The following NEK6 variants were observed in gnomAD, a reference collection of about 807,000 sequenced individuals.
NEK6 encodes the protein NIMA related kinase 6.
A neutral mutation model predicts 43.5 loss-of-function variants in NEK6; 27 were observed. That is an observed-to-expected ratio of 0.62 (90% CI 0.46 to 0.86). The LOEUF (loss-of-function observed/expected upper bound fraction) is 0.86. NEK6 is among the 40% of genes least tolerant of loss of function. The pLI, the probability that NEK6 is intolerant of heterozygous loss-of-function variation, is 0.00. For synonymous variants in NEK6, 167 were observed against 164.1 expected, an observed-to-expected ratio of 1.02 and a Z score of -0.14; for missense variants, 318 against 414.4, an observed-to-expected ratio of 0.77 and a Z score of 2.02.
chr9:124,303,525 G>A (rs1357404235), intron 2 of NEK6, among the ~76,000 whole-genome samples: 3 of 152,224 alleles, frequency 2.0e-5, no homozygotes, highest in South Asian at 4.1e-4. Context: ...CAAGGAGGGC[G>A]GTGATGCTGC....
At chr9:124,276,739 G>A (rs200874363) in intron 1 of NEK6, among the ~76,000 whole-genome samples, 7 of 151,798 alleles carry the variant, frequency 4.6e-5, no homozygotes, top group Non-Finnish European at 7.4e-5. Context: ...ATTGTGGCTC[G>A]TTCATCAGAG....
intron 2 of NEK6, among the ~76,000 whole-genome samples, chr9:124,302,371 T>C (rs1833028132): frequency 1.3e-5 from 2 of 152,186 alleles, no homozygotes; most frequent in Admixed American, 1.3e-4. Context: ...CAGAGGGTGC[T>C]GTGGAGGCCC....
chr9:124,327,400 C>G lies in NEK6; in HGVS notation c.577C>G (p.Leu193Val). 6.2e-7 allele frequency: 1 copy of G among 1,613,750 alleles called. No homozygotes were observed. Among genetic ancestry groups the G allele is most frequent in the Non-Finnish European group, 8.5e-7 (1 of 1,180,012 alleles). ...CGTCGTGAAGCTCGGTGACCTTGGT[C>G]TGGGCCGCTTCTTCAGCTCTGAGAC... ...TGVVKLGDLG[L>V]GRFFSSETTA... The change falls in exon 7 of 10, where the codon CTG becomes GTG. Residue 193 changes from leucine (L) to valine (V), a missense_variant. Around this residue, in one of 2 missense-constraint regions of NEK6, gnomAD observed 239 missense variants for 344.4 expected, o/e 0.69. Transcript: ENST00000320246.
chr9:124,315,971 C>T (rs1833797493), intron 4 of NEK6, among the ~76,000 whole-genome samples: 1 of 152,246 alleles, frequency 6.6e-6, no homozygotes, highest in Admixed American at 6.5e-5. Flanking sequence ...GTCTGACGAG[C>T]TCAGGGCAGC....
chr9:124,326,358 C>A lies in NEK6; in HGVS notation c.434C>A (p.Pro145Gln). The change falls in exon 6 of 10, where the codon CCG becomes CAG. Residue 145 changes from proline to glutamine, a missense_variant. Around this residue, in one of 2 missense-constraint regions of NEK6, gnomAD observed 239 missense variants for 344.4 expected, o/e 0.69. Transcript: ENST00000320246. The surrounding 1 kb of genome is among the most constrained non-coding windows in gnomAD (Gnocchi z 4.5). ...KYFKKQKRLIPERTVWKYFVQ... is the reference protein window; with the variant it reads ...KYFKKQKRLIQERTVWKYFVQ... The stretch of plus-strand genomic sequence containing the variant: ...TTTAAGAAGCAGAAGCGGCTCATCC[C>A]GGAGAGGACAGTATGGAAGTACTTT... 1 of 1,611,664 alleles carries A rather than the reference C, an allele frequency of 6.2e-7. No homozygotes were observed. Among genetic ancestry groups the A allele is most frequent in the Middle Eastern group, 1.7e-4 (1 of 6,058 alleles).
chr9:124,346,536 G>A (rs1284687789), intron 8 of NEK6, among the ~76,000 whole-genome samples: 1 of 152,202 alleles, frequency 6.6e-6, no homozygotes, highest in Non-Finnish European at 1.5e-5. Context: ...CCAGACAGCA[G>A]GAGGGCACTC....
intron 1 of NEK6, among the ~76,000 whole-genome samples, chr9:124,289,187 C>CCACACACA (rs60402648): frequency 4.3e-5 from 2 of 46,030 alleles, no homozygotes; most frequent in African/African-American, 2.5e-4. Context: ...CCCCCCCCCG[C>CCACACACA]CACACACACA....
intron 1 of NEK6, among the ~76,000 whole-genome samples, chr9:124,283,134 C>A (rs917083769): frequency 6.6e-6 from 1 of 152,262 alleles, no homozygotes; most frequent in Non-Finnish European, 1.5e-5. Flanking sequence ...CTGAGCCCCA[C>A]TTCTCTCCTG....
At chr9:124,313,855 C>T (rs561035038) in intron 3 of NEK6, 68 bp from the exon 4 acceptor site, 57 of 1,538,230 alleles carry the variant, frequency 3.7e-5, no homozygotes, top group Middle Eastern at 3.4e-4. Context: ...AAGCAGACCC[C>T]GTGGCCTCCT....
chr9:124,276,869 G>A (rs1411093128), intron 1 of NEK6, among the ~76,000 whole-genome samples: 4 of 152,242 alleles, frequency 2.6e-5, no homozygotes, highest in African/African-American at 7.2e-5. Context: ...AAGTGGCTCC[G>A]TGGAGCTGAC....
At chr9:124,263,973 T>C (rs1406939202) in intron 1 of NEK6, among the ~76,000 whole-genome samples, 1 of 152,212 alleles carries the variant, frequency 6.6e-6, no homozygotes, top group African/African-American at 2.4e-5. Flanking sequence ...AGGCAGATGT[T>C]TTGTTAATTA....
At position 124,270,079 on chromosome 9, in the gene NEK6, C is replaced by G. The variant is rs528060746; in HGVS notation, c.-30+11994C>G. On this transcript the variant is annotated intron_variant, in intron 1 of 9. Transcript: ENST00000320246. The stretch of plus-strand genomic sequence containing the variant: ...AGCCGTTCCTTCCACGCCCCCCCCC[C>G]ATGCTGTCTGTGGGGCTTGCCACTG... Among the ~76,000 whole-genome samples the G allele has an allele frequency of 2.4e-3, 359 of 152,248 alleles. 2 individuals carry two copies. Among genetic ancestry groups the G allele is most frequent in the African/African-American group, 8.1e-3 (337 of 41,536 alleles).
upstream of NEK6, chr9:124,257,932 CGCG>C (rs1830868754): frequency 1.0e-6 from 1 of 973,268 alleles, no homozygotes; most frequent in African/African-American, 1.8e-5. Flanking sequence ...GGCGCGCGGG[CGCG>C]CGGGCCCGCG....
At chr9:124,321,665 T>G in intron 5 of NEK6, 96 bp downstream of exon 5, 1 of 844,684 alleles carries the variant, frequency 1.2e-6, no homozygotes, top group Non-Finnish European at 1.9e-6. Context: ...TGCTCTGCCT[T>G]TAGCCAGAGG....
At chr9:124,259,674 C>A (rs1243752746) in intron 1 of NEK6, among the ~76,000 whole-genome samples, 1 of 152,210 alleles carries the variant, frequency 6.6e-6, no homozygotes, top group Non-Finnish European at 1.5e-5. Context: ...GAATGAGTCA[C>A]TCCCTGGCAG....
chr9:124,271,094 G>T (rs1038259059), intron 1 of NEK6, among the ~76,000 whole-genome samples: 2 of 152,352 alleles, frequency 1.3e-5, no homozygotes, highest in Admixed American at 1.3e-4. Flanking sequence ...CAGGTTAGTC[G>T]GCCAGCCAGG....
chr9:124,326,511 G>T lies in NEK6; in HGVS notation c.514+73G>T. Reference sequence around the variant, plus strand: ...AAGACACTTCCTCATGGCTCCTCCAGGGTCCTCAGGGGCAGCCCCTTGAGG... The same window carrying T: ...AAGACACTTCCTCATGGCTCCTCCATGGTCCTCAGGGGCAGCCCCTTGAGG... On this transcript the variant is annotated intron_variant, in intron 6 of 9. Coordinates refer to ENST00000320246, the MANE Select transcript of NEK6 (RefSeq NM_014397.6). This position sits in a 1 kb window ranked among gnomAD's most constrained non-coding sequence, Gnocchi z 4.5. The T allele has an allele frequency of 9.1e-7, 1 of 1,104,132 alleles. No individual in the cohort carries two copies. Among genetic ancestry groups the T allele is most frequent in the East Asian group, 2.4e-5 (1 of 42,432 alleles). 68.4% of individuals were successfully genotyped at this position (1,104,132 alleles called of 1,614,324 possible).
intron 1 of NEK6, among the ~76,000 whole-genome samples, chr9:124,270,795 A>G (rs1029056098): frequency 6.6e-6 from 1 of 152,248 alleles, no homozygotes; most frequent in Admixed American, 6.5e-5. Flanking sequence ...TGCTGCCAGC[A>G]TGTGCTCCAT....
At chr9:124,320,463 G>A (rs1297431769) in intron 4 of NEK6, among the ~76,000 whole-genome samples, 4 of 152,162 alleles carry the variant, frequency 2.6e-5, no homozygotes, top group South Asian at 4.1e-4. Context: ...AACGACTTCC[G>A]GGCCTTTTGG....
Sources: allele counts gnomAD v4.1 joint callset (sites outside exome capture counted in the v4.1 genomes callset), GRCh38; gene constraint gnomAD v4.1.1; regional missense constraint gnomAD v4.1.1; non-coding constraint Gnocchi (gnomAD v3.1); transcripts MANE v1.5; gene names NCBI Gene and HGNC (gene_info 2026-07-23, HGNC 2026-07-21).